Variants in CRIP3 observed in about 807,000 individuals in gnomAD.
The protein encoded by CRIP3 is cysteine rich protein 3, also known as cysteine-rich protein 3.
A neutral mutation model predicts 30.3 loss-of-function variants in CRIP3; 23 were observed. The ratio of observed to expected loss-of-function variants is 0.76; its 90% CI spans 0.55 to 1.08. The LOEUF is 1.08. Ranked by LOEUF, CRIP3 falls within the 50% of genes least tolerant of loss-of-function variation. The probability of loss-of-function intolerance (pLI) is 0.00; values close to 1 mark genes in which losing one functional copy is unlikely to be tolerated. For synonymous variants in CRIP3, 89 were observed against 97.6 expected, an observed-to-expected ratio of 0.91 and a Z score of 0.52; for missense variants, 261 against 259.3, an observed-to-expected ratio of 1.01 and a Z score of -0.04.
chr6:43,306,359 T>A, intron 5 of CRIP3, 46 bp from the exon 6 acceptor site: 1 of 1,603,680 alleles, frequency 6.2e-7, no homozygotes, highest in Non-Finnish European at 8.5e-7. Context: ...AGGGGTAGAG[T>A]AGGGAGACCT....
chr6:43,307,082 C>T (rs1202826647), intron 4 of CRIP3: 1 of 153,290 alleles, frequency 6.5e-6, no homozygotes, highest in Non-Finnish European at 1.4e-5. Flanking sequence ...TCACTTTCCT[C>T]ACCTGTAACA....
At position 43,306,249 on chromosome 6, in the gene CRIP3, G is replaced by C. The variant is rs138672645; in HGVS notation, c.465C>G (p.His155Gln). Residue 155 changes from histidine to glutamine, a missense_variant, in exon 6 of 8, where the codon CAC (histidine) becomes CAG (glutamine). Physicochemically the swap from His to Gln is conservative, Grantham distance 24 (BLOSUM62 0). Transcript: ENST00000372569. ...HRPCLRCQRC[H>Q]KTLTAGSHAE... ...CATGACTCCCAGCAGTCAGGGTCTT[G>C]TGGCAACGCTGGCACCTCAGACACG... is the stretch of plus-strand genomic sequence containing the variant. 11 of 1,614,202 alleles carry C rather than the reference G, an allele frequency of 6.8e-6. No homozygotes were observed. Among genetic ancestry groups the C allele is most frequent in the Non-Finnish European group, 9.3e-6 (11 of 1,180,036 alleles).
At chr6:43,306,390 C>T in intron 5 of CRIP3, 56 bp downstream of exon 5, 1 of 1,606,766 alleles carries the variant, frequency 6.2e-7, no homozygotes, top group Non-Finnish European at 8.5e-7. Flanking sequence ...GATCACCTCC[C>T]TCCCCCTTGC....
At chr6:43,308,549 T>C in intron 1 of CRIP3, 140 bp from the exon 2 acceptor site, 6 of 911,716 alleles carry the variant, frequency 6.6e-6, no homozygotes, top group Non-Finnish European at 8.4e-6. Flanking sequence ...GCCAGCTCCA[T>C]CCCGCTCCGG....
At position 43,308,427 on chromosome 6, in the gene CRIP3, G is replaced by C; in HGVS notation, c.44-18C>G. 1 of 1,606,234 alleles carries C rather than the reference G, an allele frequency of 6.2e-7. No individual in the cohort carries two copies. Among genetic ancestry groups the C allele is most frequent in the Non-Finnish European group, 8.5e-7 (1 of 1,173,954 alleles). On this transcript the variant is annotated intron_variant, in intron 1 of 7. Coordinates refer to ENST00000372569, the MANE Select transcript of CRIP3 (RefSeq NM_206922.3). ...CTTCTCAGCTGTGGAGGACAAAGTGGAACCGAGCTGCGAGGAGCCTGTCCA... is the reference window on the plus strand; with the variant it reads ...CTTCTCAGCTGTGGAGGACAAAGTGCAACCGAGCTGCGAGGAGCCTGTCCA...
In CRIP3 at chr6:43,308,723, TCTCCCCCTCCGCAGCCCGGGC is replaced by T. The variant is rs1778998793; in HGVS notation, c.43+6_43+26del. The stretch of plus-strand genomic sequence containing the variant: ...CCAGCGGCTCCCATTCGCCCCATCT[TCTCCCCCTCCGCAGCCCGGGC>T]CTCACCGAAGAAAACAGGTTGCTGG... On this transcript the variant is annotated splice_donor_region_variant and intron_variant, in intron 1 of 7. Transcript: ENST00000372569. 1 of 1,613,360 alleles carries T rather than the reference TCTCCCCCTCCGCAGCCCGGGC, an allele frequency of 6.2e-7. No homozygotes were observed. The highest frequency in any genetic ancestry group is 1.3e-5 in the African/African-American group (1 of 74,788).
rs890781810 is a variant in CRIP3 at position 43,306,442 on chromosome 6, T to C, written c.400+4A>G. 3 of 1,596,546 alleles carry C rather than the reference T, an allele frequency of 1.9e-6. No individual in the cohort carries two copies. Among genetic ancestry groups the C allele is most frequent in the Non-Finnish European group, 2.6e-6 (3 of 1,168,026 alleles). ...CCCTCCCCAAGTTTTCCACTGTTAC[T>C]TACCAAAATAGACGGGCTCCCCACA... On this transcript the variant is annotated splice_donor_region_variant and intron_variant, in intron 5 of 7. Coordinates refer to ENST00000372569, the MANE Select transcript of CRIP3 (RefSeq NM_206922.3).
In CRIP3 at chr6:43,307,914, G is replaced by T. The variant is rs765906933; in HGVS notation, c.139-18C>A. 1 of 1,613,224 alleles carries T rather than the reference G, an allele frequency of 6.2e-7. No individual in the cohort carries two copies. Among genetic ancestry groups the T allele is most frequent in the South Asian group, 1.1e-5 (1 of 91,038 alleles). ...CCATTGTGCTGGGCACAAGCAGAGG[G>T]AAGTGGGTTACTCAAGGCCAGCGGG... On this transcript the variant is annotated intron_variant, in intron 2 of 7. Coordinates refer to ENST00000372569, the MANE Select transcript of CRIP3 (RefSeq NM_206922.3).
rs941783505 is a variant in CRIP3 at position 43,305,498 on chromosome 6, C to G, written c.*316G>C. ...GGGAGCCAACATTTTATTGAAGAAG[C>G]CACAGAGGCTGAAATTCAATAAACA... On this transcript the variant is annotated 3_prime_UTR_variant, in exon 8 of 8. Coordinates refer to ENST00000372569, the MANE Select transcript of CRIP3 (RefSeq NM_206922.3). The G allele has an allele frequency of 2.0e-5, 8 of 406,354 alleles. No homozygotes were observed. Among genetic ancestry groups the G allele is most frequent in the Admixed American group, 4.1e-5 (1 of 24,394 alleles). 25.2% of individuals were successfully genotyped at this position (406,354 alleles called of 1,614,324 possible). A position where few individuals can be genotyped will look rare whatever the true frequency, so the allele number is the denominator to read the frequency against.
chr6:43,306,250 T>C lies in CRIP3; in HGVS notation c.464A>G (p.His155Arg). The change falls in exon 6 of 8, where the codon CAC (histidine) becomes CGC (arginine). Residue 155 changes from histidine to arginine, a missense_variant. Coordinates refer to ENST00000372569, the MANE Select transcript of CRIP3 (RefSeq NM_206922.3). The part of the protein sequence containing the change: ...HRPCLRCQRC[H>R]KTLTAGSHAE... ...ATGACTCCCAGCAGTCAGGGTCTTG[T>C]GGCAACGCTGGCACCTCAGACACGG... 3 of 1,614,196 alleles carry C rather than the reference T, an allele frequency of 1.9e-6. No homozygotes were observed. The highest frequency in any genetic ancestry group is 2.5e-6 in the Non-Finnish European group (3 of 1,180,030).
chr6:43,308,269 G>A, intron 2 of CRIP3, 46 bp downstream of exon 2: 1 of 1,480,186 alleles, frequency 6.8e-7, no homozygotes, highest in Non-Finnish European at 9.3e-7. Flanking sequence ...CTGGGGGGTG[G>A]GAGGCAGTGA....
At position 43,308,262 on chromosome 6, in the gene CRIP3, G is replaced by T. The variant is rs1033563544; in HGVS notation, c.138+53C>A. 1.6e-5 allele frequency: 23 copies of T among 1,452,856 alleles called. No individual in the cohort carries two copies. The African/African-American group carries it at 3.2e-4, about 20-fold the overall frequency. 90.0% of individuals were successfully genotyped at this position (1,452,856 alleles called of 1,614,324 possible). ...TGCTGAAGTTGGGGGCTGGTGCCTGGGGGGTGGGAGGCAGTGATGTAAACA... is the reference window on the plus strand; with the variant it reads ...TGCTGAAGTTGGGGGCTGGTGCCTGTGGGGTGGGAGGCAGTGATGTAAACA... On this transcript the variant is annotated intron_variant, in intron 2 of 7. Coordinates refer to ENST00000372569, the MANE Select transcript of CRIP3 (RefSeq NM_206922.3).
Position 43,307,763 on chromosome 6 carries a change from G to C in CRIP3, c.197-20C>G. The C allele has an allele frequency of 6.2e-7, 1 of 1,605,940 alleles. No homozygotes were observed. The highest frequency in any genetic ancestry group is 8.5e-7 in the Non-Finnish European group (1 of 1,174,022). Reference sequence around the variant, plus strand: ...TCACCCCTGAAGAGAGAATAGGGGAGGTCAGGCTTGAGCCCCCAGCTCCCA... The same window carrying C: ...TCACCCCTGAAGAGAGAATAGGGGACGTCAGGCTTGAGCCCCCAGCTCCCA... On this transcript the variant is annotated intron_variant, in intron 3 of 7. Transcript: ENST00000372569.
chr6:43,307,837 AC>A lies in CRIP3; in HGVS notation c.196+1del. 6.2e-7 allele frequency: 1 copy of A among 1,613,932 alleles called. No homozygotes were observed. The highest frequency in any genetic ancestry group is 8.5e-7 in the Non-Finnish European group (1 of 1,179,972). ...CCATGGCCCCTTAAGGCTGGTACTT[AC>A]CCCTGGGTCCAAAGAGAGCCCCATA... On this transcript the variant is annotated splice_donor_variant, in intron 3 of 7. Coordinates refer to ENST00000372569, the MANE Select transcript of CRIP3 (RefSeq NM_206922.3). LOFTEE classifies it high-confidence loss of function.
At chr6:43,306,707 T>G in intron 4 of CRIP3, 190 bp from the exon 5 acceptor site, 1 of 576,032 alleles carries the variant, frequency 1.7e-6, no homozygotes, top group Non-Finnish European at 3.1e-6. Context: ...CATCCCTATG[T>G]GTATTAGGGA....
intron 1 of CRIP3, 141 bp downstream of exon 1, chr6:43,308,609 G>A: frequency 1.9e-6 from 2 of 1,079,732 alleles, no homozygotes; most frequent in South Asian, 1.4e-5. Context: ...ACCCGAGTGG[G>A]AGCGGGTGGT....
rs370402239 is a variant in CRIP3, at chr6:43,307,705, G to T, written c.235C>A (p.Pro79Thr). 5.1e-6 allele frequency: 8 copies of T among 1,557,886 alleles called. No homozygotes were observed. Among genetic ancestry groups the T allele is most frequent in the Non-Finnish European group, 6.1e-6 (7 of 1,147,776 alleles). Residue 79 changes from proline to threonine, a missense_variant, in exon 4 of 8, where the codon CCC becomes ACC. Pro to Thr is a conservative substitution (Grantham distance 38). Coordinates refer to ENST00000372569, the MANE Select transcript of CRIP3 (RefSeq NM_206922.3). ...IGGVGSYLYN[P>T]PTPSPGCTTP... ...GTGCAGCCAGGGCTGGGAGTGGGGG[G>T]ATTGTACAAGTAGGAGCCTACACCA... is the stretch of plus-strand genomic sequence containing the variant.
chr6:43,307,834 C>CT lies in CRIP3; in HGVS notation c.196+4dup. ...GACCCATGGCCCCTTAAGGCTGGTA[C>CT]TTACCCCTGGGTCCAAAGAGAGCCC... is the stretch of plus-strand genomic sequence containing the variant. On this transcript the variant is annotated splice_donor_region_variant and intron_variant, in intron 3 of 7. Coordinates refer to ENST00000372569, the MANE Select transcript of CRIP3 (RefSeq NM_206922.3). 6.2e-7 allele frequency: 1 copy of CT among 1,614,058 alleles called. No individual in the cohort carries two copies. The highest frequency in any genetic ancestry group is 8.5e-7 in the Non-Finnish European group (1 of 1,179,996).
Position 43,305,783 on chromosome 6 carries a change from C to A in CRIP3, c.*31G>T. ...GACCATGAGGGGCATGATGGGAGGC[C>A]TGAGTTAGGGTGACCTTTTTTGTGA... On this transcript the variant is annotated 3_prime_UTR_variant, in exon 8 of 8. Coordinates refer to ENST00000372569, the MANE Select transcript of CRIP3 (RefSeq NM_206922.3). The A allele has an allele frequency of 1.2e-6, 2 of 1,613,676 alleles. No homozygotes were observed. The highest frequency in any genetic ancestry group is 1.7e-6 in the Non-Finnish European group (2 of 1,179,772).
Sources: allele counts gnomAD v4.1 joint callset, GRCh38; gene constraint gnomAD v4.1.1; transcripts MANE v1.5; gene names NCBI Gene and HGNC (gene_info 2026-07-23, HGNC 2026-07-21).